Variants in KIF1B observed in about 807,000 individuals in gnomAD.
The protein encoded by KIF1B is kinesin-like protein KIF1B.
Under a neutral mutation model 241.9 loss-of-function variants are expected in KIF1B, and 76 were observed. The observed-to-expected ratio is 0.31, with a 90% CI of 0.26 to 0.38. The LOEUF is 0.38. KIF1B is among the 10% of genes least tolerant of loss of function. KIF1B has a pLI of 1.00. For synonymous variants in KIF1B, 750 were observed against 796.7 expected, an observed-to-expected ratio of 0.94 and a Z score of 0.99; for missense variants, 1,622 against 2,271.4, an observed-to-expected ratio of 0.71 and a Z score of 5.81.
Position 10,347,744 on chromosome 1 carries a change from G to A in KIF1B, c.3798-17G>A, listed in dbSNP as rs369489193. ...GAAGTAGCACTTAGTTTTTTCTTTT[G>A]CGTTTCTATTTTTTAGGTATATCCC... On this transcript the variant is annotated splice_polypyrimidine_tract_variant and intron_variant, in intron 35 of 48. Coordinates refer to ENST00000676179, the MANE Select transcript of KIF1B (RefSeq NM_001365951.3). The A allele has an allele frequency of 3.7e-5, 59 of 1,610,624 alleles. No homozygotes were observed. In the African/African-American group the frequency reaches 6.0e-4, roughly 16 times the overall value.
intron 4 of KIF1B, among the ~76,000 whole-genome samples, chr1:10,259,717 C>G (rs1648013967): frequency 1.3e-5 from 2 of 151,862 alleles, no homozygotes; most frequent in African/African-American, 4.8e-5. Context: ...TGGTCCTGGT[C>G]TGGATCTCCT....
intron 7 of KIF1B, among the ~76,000 whole-genome samples, chr1:10,270,506 A>T (rs901393406): frequency 6.6e-6 from 1 of 152,230 alleles, no homozygotes; most frequent in Non-Finnish European, 1.5e-5. Context: ...AACTGTTGCC[A>T]GTTTTTGATT....
At chr1:10,217,826 G>A (rs1253194805) in intron 1 of KIF1B, among the ~76,000 whole-genome samples, 3 of 151,692 alleles carry the variant, frequency 2.0e-5, no homozygotes, top group Admixed American at 6.6e-5. Context: ...TTACATTCTC[G>A]ATTCTCTATA....
intron 2 of KIF1B, among the ~76,000 whole-genome samples, chr1:10,234,075 CT>C (rs1647017389): frequency 6.6e-6 from 1 of 152,142 alleles, no homozygotes; most frequent in Non-Finnish European, 1.5e-5. Context: ...TGTCCAAAAC[CT>C]TTCTAGGGAA....
intron 25 of KIF1B, 144 bp downstream of exon 25, chr1:10,324,206 T>A: frequency 1.3e-6 from 1 of 774,962 alleles, no homozygotes; most frequent in Non-Finnish European, 2.2e-6. Flanking sequence ...TGGCCAATGG[T>A]ATTACCATCC....
chr1:10,244,320 T>C (rs1343954526), intron 2 of KIF1B, among the ~76,000 whole-genome samples: 13 of 147,912 alleles, frequency 8.8e-5, no homozygotes, highest in South Asian at 2.1e-4. Context: ...CTTTTCTTTT[T>C]TTTTTTTTTT....
At chr1:10,220,408 TAGATA>T (rs2102100075) in intron 1 of KIF1B, among the ~76,000 whole-genome samples, 4 of 146,020 alleles carry the variant, frequency 2.7e-5, no homozygotes, top group South Asian at 2.2e-4. Context: ...GATAGATAGA[TAGATA>T]GATAGATAGA....
intron 38 of KIF1B, among the ~76,000 whole-genome samples, chr1:10,354,172 G>C (rs1652896545): frequency 6.6e-6 from 1 of 152,080 alleles, no homozygotes; most frequent in South Asian, 2.1e-4. Context: ...GTTAGAATGA[G>C]TTCATCAAAA....
intron 34 of KIF1B, chr1:10,344,987 G>C (rs1420103004): frequency 6.6e-6 from 1 of 152,214 alleles, no homozygotes; most frequent in Non-Finnish European, 1.5e-5. Context: ...GAGCTCAGGA[G>C]TTAGAGACCA....
chr1:10,282,237 C>T lies in KIF1B; in HGVS notation c.1223-85C>T, dbSNP rs902726631. ...GCTTTAATGCTGTCCTTTCTTACAA[C>T]GATATTCCTTCCTGTCTTTTTTTCT... On this transcript the variant is annotated intron_variant, in intron 14 of 48. Transcript: ENST00000676179. 2.7e-5 allele frequency: 29 copies of T among 1,084,056 alleles called. No homozygotes were observed. In the Admixed American group the frequency reaches 3.6e-4, roughly 14 times the overall value. 67.2% of individuals were successfully genotyped at this position (1,084,056 alleles called of 1,614,324 possible). A position where few individuals can be genotyped will look rare whatever the true frequency, so the allele number is the denominator to read the frequency against.
At chr1:10,215,170 ATATTTTTTTT>A (rs1420922357) in intron 1 of KIF1B, among the ~76,000 whole-genome samples, 8 of 50,252 alleles carry the variant, frequency 1.6e-4, no homozygotes, top group African/African-American at 5.5e-4. Flanking sequence ...ATATATATAT[ATATTTTTTTT>A]TTTTTTTTTT....
At chr1:10,217,834 A>G (rs114989853) in intron 1 of KIF1B, among the ~76,000 whole-genome samples, 47 of 151,832 alleles carry the variant, frequency 3.1e-4, no homozygotes, top group African/African-American at 1.1e-3. Context: ...TCGATTCTCT[A>G]TACCTGATTT....
At chr1:10,261,494 G>A (rs1006760760) in intron 4 of KIF1B, among the ~76,000 whole-genome samples, 9 of 151,964 alleles carry the variant, frequency 5.9e-5, no homozygotes, top group African/African-American at 1.5e-4. Flanking sequence ...TGCCTGCCTC[G>A]TCCTCCCAAA....
Position 10,271,498 on chromosome 1 carries a change from T to A in KIF1B, c.721-4T>A. 1 of 1,609,442 alleles carries A rather than the reference T, an allele frequency of 6.2e-7. No individual in the cohort carries two copies. The highest frequency in any genetic ancestry group is 8.5e-7 in the Non-Finnish European group (1 of 1,175,674). ...ATTGCCCCCATGTTATTGTTCTTTA[T>A]CAGGTCAGTAAAATCAGCTTGGTGG... On this transcript the variant is annotated splice_region_variant and splice_polypyrimidine_tract_variant and intron_variant, in intron 7 of 48. Coordinates refer to ENST00000676179, the MANE Select transcript of KIF1B (RefSeq NM_001365951.3).
At chr1:10,232,102 A>G in intron 1 of KIF1B, 148 bp from the exon 2 acceptor site, 1 of 493,178 alleles carries the variant, frequency 2.0e-6, no homozygotes, top group Non-Finnish European at 3.7e-6. Flanking sequence ...ACAAAACAAA[A>G]CAAAAGATTT....
At chr1:10,373,943 C>T (rs1318602246) in intron 45 of KIF1B, among the ~76,000 whole-genome samples, 1 of 152,194 alleles carries the variant, frequency 6.6e-6, no homozygotes. Flanking sequence ...GCTGATGCTG[C>T]TGGCTGGGAG....
In KIF1B at chr1:10,297,042, A is replaced by G; in HGVS notation, c.2007A>G (p.Lys669=). Residue 669 remains lysine, a synonymous_variant, in exon 21 of 49, where the codon AAA becomes AAG. Transcript: ENST00000676179. ...TTGCCCAGAGGGAGCTTCTGGAAAA[A>G]CAAGGAATTGATATGAAACAAGAGA... The part of the protein sequence containing the change: ...WTFAQRELLE[K]QGIDMKQEME... 2.5e-6 allele frequency: 4 copies of G among 1,614,096 alleles called. No homozygotes were observed. Among genetic ancestry groups the G allele is most frequent in the Middle Eastern group, 1.6e-4 (1 of 6,062 alleles).
intron 10 of KIF1B, chr1:10,274,832 A>G: frequency 8.0e-6 from 2 of 249,082 alleles, no homozygotes; most frequent in Non-Finnish European, 1.6e-5. Context: ...ATGTTAGGGA[A>G]TTATTGTTTA....
intron 27 of KIF1B, among the ~76,000 whole-genome samples, chr1:10,330,034 T>G (rs552998099): frequency 3.9e-5 from 6 of 152,342 alleles, no homozygotes; most frequent in African/African-American, 1.4e-4. Flanking sequence ...TTTCTTATCT[T>G]TATGTTGACC....
Sources: allele counts gnomAD v4.1 joint callset (sites outside exome capture counted in the v4.1 genomes callset), GRCh38; gene constraint gnomAD v4.1.1; transcripts MANE v1.5; gene names NCBI Gene and HGNC (gene_info 2026-07-23, HGNC 2026-07-21).